Variants in MED24 observed in about 807,000 individuals in gnomAD.
MED24 encodes mediator of RNA polymerase II transcription subunit 24.
MED24 carries 74 observed loss-of-function variants against 118.8 expected under a neutral mutation model. The observed-to-expected ratio is 0.62, with a 90% CI of 0.52 to 0.76. MED24 has a LOEUF of 0.76. Ranked by LOEUF, MED24 falls within the 30% of genes least tolerant of loss-of-function variation. The pLI is 0.00. For missense variants in MED24, 1,041 were observed against 1,278.9 expected (o/e 0.81, Z 2.84); for synonymous variants, 521 against 523.9 (o/e 0.99, Z 0.08).
Position 40,032,869 on chromosome 17 carries a change from G to A in MED24, c.823-107C>T, listed in dbSNP as rs59356722. On this transcript the variant is annotated intron_variant, in intron 8 of 25. Transcript: ENST00000394128. ...TCAGAGACTGCATGGCAGAGTCACT[G>A]CTCAGCTATGTGCTGAGAACCAGGG... 883 of 1,306,432 alleles carry A rather than the reference G, an allele frequency of 6.8e-4. 7 individuals are homozygous for A. In the African/African-American group the frequency reaches 0.012, roughly 18 times the overall value. The allele number at this position is 1,306,432 out of a possible 1,614,324, so 80.9% of individuals were successfully genotyped here.
chr17:40,019,154 AC>A lies in MED24; in HGVS notation c.*374del, dbSNP rs1981625977. Reference sequence around the variant, plus strand: ...ACATGAACGAAGGTAGATTTCCCTCACATATTACAAAATACACACAAACACA... The same window carrying A: ...ACATGAACGAAGGTAGATTTCCCTCAATATTACAAAATACACACAAACACA... On this transcript the variant is annotated 3_prime_UTR_variant, in exon 26 of 26. Coordinates refer to ENST00000394128, the MANE Select transcript of MED24 (RefSeq NM_014815.4). The A allele has an allele frequency of 6.0e-5, 11 of 183,606 alleles. No individual in the cohort carries two copies. The South Asian group carries it at 1.4e-3, about 24-fold the overall frequency. The allele number at this position is 183,606 out of a possible 1,614,324, so 11.4% of individuals were successfully genotyped here.
intron 5 of MED24, 147 bp from the exon 6 acceptor site, chr17:40,035,496 T>C (rs1265806768): frequency 2.0e-6 from 2 of 996,238 alleles, no homozygotes; most frequent in African/African-American, 3.3e-5. Flanking sequence ...CTTAGCCCCT[T>C]TGGCTCCTAC....
At chr17:40,038,851 C>A (rs1280378215) in intron 3 of MED24, among the ~76,000 whole-genome samples, 2 of 152,178 alleles carry the variant, frequency 1.3e-5, no homozygotes, top group Non-Finnish European at 2.9e-5. Context: ...CCTGGGTGAA[C>A]AGGAGCAAAA....
intron 4 of MED24, 21 bp downstream of exon 4, chr17:40,036,095 C>T (rs1324331411): frequency 6.2e-7 from 1 of 1,606,572 alleles, no homozygotes; most frequent in East Asian, 2.2e-5. Flanking sequence ...CAATCTAGCT[C>T]CTGAGTGTCT....
At chr17:40,048,572 G>C (rs567996432) in intron 3 of MED24, among the ~76,000 whole-genome samples, 23 of 151,920 alleles carry the variant, frequency 1.5e-4, no homozygotes, top group Non-Finnish European at 2.8e-4. Context: ...ATTTTTTATT[G>C]AGACAGAGTC....
In MED24 at chr17:40,036,162, G is replaced by A; in HGVS notation, c.214-8C>T. The A allele has an allele frequency of 6.2e-7, 1 of 1,609,094 alleles. No individual in the cohort carries two copies. Among genetic ancestry groups the A allele is most frequent in the Non-Finnish European group, 8.5e-7 (1 of 1,175,388 alleles). ...AGAAGAGTAGGACACCATCTGGAGA[G>A]AAGGAAGAAAGATAATCTTTAGACA... On this transcript the variant is annotated splice_region_variant and splice_polypyrimidine_tract_variant and intron_variant, in intron 3 of 25. Coordinates refer to ENST00000394128, the MANE Select transcript of MED24 (RefSeq NM_014815.4).
At position 40,033,140 on chromosome 17, in the gene MED24, G is replaced by T; in HGVS notation, c.738C>A (p.Ala246=). 1 of 1,614,146 alleles carries T rather than the reference G, an allele frequency of 6.2e-7. No homozygotes were observed. The highest frequency in any genetic ancestry group is 1.3e-5 in the African/African-American group (1 of 75,056). The part of the protein sequence containing the change: ...MHKTGFPTVH[A]VILLEGTMNL... Reference sequence around the variant, plus strand: ...TCATGGTGCCCTCGAGCAGGATCACGGCGTGGACAGTGGGGAAGCCGGTCT... The same window carrying T: ...TCATGGTGCCCTCGAGCAGGATCACTGCGTGGACAGTGGGGAAGCCGGTCT... The change falls in exon 8 of 26, where the codon GCC becomes GCA. Residue 246 remains alanine, a synonymous_variant. Transcript: ENST00000394128. The surrounding 1 kb of genome is among the most constrained non-coding windows in gnomAD (Gnocchi z 5.2).
rs757233957 is a variant in MED24 at position 40,035,729 on chromosome 17, G to A, written c.319C>T (p.Arg107Cys). ...LLDIMDMFCD[R>C]LSCHGKAEEC... Reference sequence around the variant, plus strand: ...CCTTACCCCTGCCCTTACCTCAGACGGTCACAAAACATGTCCATGATGTCC... The same window carrying A: ...CCTTACCCCTGCCCTTACCTCAGACAGTCACAAAACATGTCCATGATGTCC... The change falls in exon 5 of 26, where the codon CGT (arginine) becomes TGT (cysteine). Residue 107 changes from arginine (R) to cysteine (C), a missense_variant. Physicochemically the swap from Arg to Cys is radical, Grantham distance 180 (BLOSUM62 -3). Around this residue, in one of 3 missense-constraint regions of MED24, gnomAD observed 434 missense variants for 514.9 expected, o/e 0.84. Coordinates refer to ENST00000394128, the MANE Select transcript of MED24 (RefSeq NM_014815.4). The A allele has an allele frequency of 7.4e-6, 12 of 1,613,864 alleles. No individual in the cohort carries two copies. The East Asian group carries it at 8.9e-5, about 12-fold the overall frequency.
chr17:40,053,346 G>T lies in MED24; in HGVS notation c.165C>A (p.Ser55=). ...ALLEQAMIGP[S]PNPLILSYLK... ...GGTAGGACAAGATGAGAGGATTGGG[G>T]GATGGTCCAATCATGGCCTGCTCTA... The change falls in exon 3 of 26, where the codon TCC becomes TCA. Residue 55 remains serine (S), a synonymous_variant. Transcript: ENST00000394128. 1 of 1,613,012 alleles carries T rather than the reference G, an allele frequency of 6.2e-7. No homozygotes were observed. The highest frequency in any genetic ancestry group is 8.5e-7 in the Non-Finnish European group (1 of 1,179,290).
intron 3 of MED24, among the ~76,000 whole-genome samples, chr17:40,050,565 G>A (rs1160599658): frequency 3.3e-5 from 5 of 151,994 alleles, no homozygotes; most frequent in African/African-American, 1.2e-4. Flanking sequence ...GCAGTGAGCT[G>A]AGATCAGCCA....
chr17:40,043,905 C>CAAAAAAAAAAAAAAAAAA (rs1555668276), intron 3 of MED24, among the ~76,000 whole-genome samples: 36 of 115,044 alleles, frequency 3.1e-4, no homozygotes, highest in Non-Finnish European at 5.4e-4. Flanking sequence ...AAAAAAAAAA[C>CAAAAAAAAAAAAAAAAAA]AAAGATTTAA....
intron 3 of MED24, among the ~76,000 whole-genome samples, chr17:40,046,408 A>C (rs954816454): frequency 6.6e-6 from 1 of 150,998 alleles, no homozygotes; most frequent in Non-Finnish European, 1.5e-5. Flanking sequence ...AATAAAAAAA[A>C]ATATATATGT....
At chr17:40,046,631 A>G (rs548128902) in intron 3 of MED24, among the ~76,000 whole-genome samples, 2 of 149,632 alleles carry the variant, frequency 1.3e-5, no homozygotes, top group Non-Finnish European at 3.0e-5. Context: ...CTGTAGTCCC[A>G]GCTACTTGGG....
At chr17:40,036,730 A>G (rs1415114782) in intron 3 of MED24, among the ~76,000 whole-genome samples, 2 of 151,862 alleles carry the variant, frequency 1.3e-5, no homozygotes, top group Non-Finnish European at 2.9e-5. Flanking sequence ...ACTGTCCTCA[A>G]TAAGCATGGG....
At chr17:40,022,605 TG>T (rs780786887) in intron 21 of MED24, 39 bp downstream of exon 21, 1 of 1,610,252 alleles carries the variant, frequency 6.2e-7, no homozygotes, top group Non-Finnish European at 8.5e-7. Context: ...TGCTTGACCC[TG>T]GGTGGCCGGA....
chr17:40,047,489 G>A lies in MED24; in HGVS notation c.213+5809C>T, dbSNP rs1352892709. On this transcript the variant is annotated intron_variant, in intron 3 of 25. Transcript: ENST00000394128. ...AGCCTGACCAACATGGTGAAACCCC[G>A]TCTCTACTAAAAATACAAAAAAACT... Among the ~76,000 whole-genome samples, 9 of 150,542 alleles carry A rather than the reference G, an allele frequency of 6.0e-5. No individual in the cohort carries two copies. The South Asian group carries it at 1.7e-3, about 28-fold the overall frequency.
At position 40,030,666 on chromosome 17, in the gene MED24, A is replaced by AT. The variant is rs34021774; in HGVS notation, c.1154+492dup. Among the ~76,000 whole-genome samples, 543 of 129,906 alleles carry AT rather than the reference A, an allele frequency of 4.2e-3. 5 individuals are homozygous for AT. Among genetic ancestry groups the AT allele is most frequent in the Middle Eastern group, 0.02 (5 of 252 alleles). The allele number at this position is 129,906 out of a possible 152,430, so 85.2% of individuals were successfully genotyped here. ...ATTCAGGATTTTTATTTATTTATTTATTTTTTTTTTGAGACAAGGTCTCAC... is the reference window on the plus strand; with the variant it reads ...ATTCAGGATTTTTATTTATTTATTTATTTTTTTTTTTGAGACAAGGTCTCAC... On this transcript the variant is annotated intron_variant, in intron 12 of 25. Transcript: ENST00000394128.
In MED24 at chr17:40,033,014, T is replaced by C. The variant is rs1983558431; in HGVS notation, c.822+42A>G. On this transcript the variant is annotated intron_variant, in intron 8 of 25. Coordinates refer to ENST00000394128, the MANE Select transcript of MED24 (RefSeq NM_014815.4). The surrounding 1 kb of genome is among the most constrained non-coding windows in gnomAD (Gnocchi z 5.2). ...ATCCTCCCTCCTGCCCCCAACAGGC[T>C]GGCCTGCCTTGGAGAAGGGAGAGCC... The C allele has an allele frequency of 5.6e-6, 9 of 1,609,992 alleles. 1 individual carries two copies. Among genetic ancestry groups the C allele is most frequent in the Middle Eastern group, 1.7e-4 (1 of 6,048 alleles).
intron 13 of MED24, 109 bp from the exon 14 acceptor site, chr17:40,029,077 T>G: frequency 6.9e-7 from 1 of 1,447,676 alleles, no homozygotes; most frequent in Non-Finnish European, 9.5e-7. Context: ...AATCTACATC[T>G]TTCTGACTTC....
Sources: gnomAD v4.1 joint callset for allele counts (sites outside exome capture counted in the v4.1 genomes callset) on GRCh38, gnomAD v4.1.1 for gene constraint, gnomAD v4.1.1 regional missense constraint, Gnocchi (gnomAD v3.1) non-coding constraint, MANE v1.5 for transcripts, NCBI Gene and HGNC (gene_info 2026-07-23, HGNC 2026-07-21) for gene names.